Variants in PAH observed in about 807,000 individuals in gnomAD.
PAH encodes the protein phenylalanine hydroxylase.
A neutral mutation model predicts 62.0 loss-of-function variants in PAH; 64 were observed. The observed-to-expected ratio is 1.03, with a 90% CI of 0.84 to 1.27. PAH has a LOEUF of 1.27. Ranked by LOEUF, PAH falls within the 50% of genes most tolerant of loss-of-function variation. PAH has a pLI of 0.00. For missense variants in PAH, 579 were observed against 542.8 expected (o/e 1.07, Z -0.66); for synonymous variants, 195 against 196.2 (o/e 0.99, Z 0.05).
intron 1 of PAH, among the ~76,000 whole-genome samples, chr12:102,924,083 G>A (rs1878623524): frequency 6.6e-6 from 1 of 152,192 alleles, no homozygotes; most frequent in South Asian, 2.1e-4. Flanking sequence ...TTGGTATAAG[G>A]TAAAGAGGAG....
chr12:102,920,976 T>G (rs1188696035), upstream of PAH, among the ~76,000 whole-genome samples: 3 of 152,232 alleles, frequency 2.0e-5, no homozygotes, highest in African/African-American at 7.2e-5. Flanking sequence ...AACAATACTG[T>G]GATAAATTTC....
chr12:102,928,568 G>A (rs1352894921), intron 1 of PAH, among the ~76,000 whole-genome samples: 2 of 152,150 alleles, frequency 1.3e-5, no homozygotes, highest in Non-Finnish European at 2.9e-5. Flanking sequence ...GACCCTTGCA[G>A]GGACTTGGTA....
chr12:102,941,599 G>A (rs751305346), intron 1 of PAH, among the ~76,000 whole-genome samples: 122 of 152,122 alleles, frequency 8.0e-4, no homozygotes, highest in Non-Finnish European at 1.4e-3. Context: ...AATTCAACCA[G>A]AAGGCTTAAC....
intron 5 of PAH, among the ~76,000 whole-genome samples, chr12:102,861,488 C>A (rs2136657068): frequency 6.6e-6 from 1 of 152,254 alleles, no homozygotes; most frequent in South Asian, 2.1e-4. Flanking sequence ...TGGGTATATA[C>A]CCAAAGGATT....
chr12:102,874,165 A>G (rs1876470788), intron 4 of PAH, among the ~76,000 whole-genome samples: 1 of 152,240 alleles, frequency 6.6e-6, no homozygotes, highest in African/African-American at 2.4e-5. Context: ...TAGACCTTAG[A>G]TGAATAGAGG....
chr12:102,933,203 C>T (rs1021213618), intron 1 of PAH, among the ~76,000 whole-genome samples: 3 of 152,122 alleles, frequency 2.0e-5, no homozygotes, highest in Non-Finnish European at 4.4e-5. Flanking sequence ...TTTTTAGCCT[C>T]CATAAATAAG....
chr12:102,951,788 C>G (rs895701943), upstream of PAH, among the ~76,000 whole-genome samples: 1 of 151,158 alleles, frequency 6.6e-6, no homozygotes, highest in Non-Finnish European at 1.5e-5. Flanking sequence ...AATTGTCCCC[C>G]CTTCCCCCTC....
intron 3 of PAH, among the ~76,000 whole-genome samples, chr12:102,891,326 C>T (rs1223817122): frequency 6.6e-6 from 1 of 152,104 alleles, no homozygotes; most frequent in Admixed American, 6.5e-5. Context: ...CACCCTTGCG[C>T]ATGACCCCCC....
At chr12:102,908,798 C>A (rs1355467038) in intron 2 of PAH, among the ~76,000 whole-genome samples, 1 of 151,504 alleles carries the variant, frequency 6.6e-6, no homozygotes, top group Non-Finnish European at 1.5e-5. Flanking sequence ...GTTCTAGGAT[C>A]CCATTCAAAA....
At chr12:102,859,374 T>C (rs1354901256) in intron 5 of PAH, among the ~76,000 whole-genome samples, 2 of 152,246 alleles carry the variant, frequency 1.3e-5, no homozygotes, top group Admixed American at 6.5e-5. Flanking sequence ...GATGGATTCA[T>C]AGCCGAATTC....
upstream of PAH, among the ~76,000 whole-genome samples, chr12:102,954,610 G>T (rs1298957216): frequency 6.6e-6 from 1 of 152,168 alleles, no homozygotes; most frequent in African/African-American, 2.4e-5. Flanking sequence ...AGTCAAATCA[G>T]CCTGCTTTAT....
intron 5 of PAH, among the ~76,000 whole-genome samples, chr12:102,861,714 A>G (rs1314871734): frequency 2.0e-5 from 3 of 152,184 alleles, no homozygotes; most frequent in Non-Finnish European, 4.4e-5. Flanking sequence ...CATCATTCTC[A>G]GCAAACTATC....
exon 1 of PAH, chr12:102,958,235 G>A (rs1879988403): frequency 2.1e-6 from 3 of 1,460,292 alleles, no homozygotes; most frequent in East Asian, 3.0e-5. Flanking sequence ...CTCCTTGGCC[G>A]CCGCTGCGCA....
At chr12:102,875,376 G>C (rs528809785) in intron 4 of PAH, among the ~76,000 whole-genome samples, 1 of 152,218 alleles carries the variant, frequency 6.6e-6, no homozygotes, top group African/African-American at 2.4e-5. Context: ...GGAGTGAAAC[G>C]AATGGGAAGA....
intron 2 of PAH, among the ~76,000 whole-genome samples, chr12:102,896,271 G>A (rs207473319): frequency 6.6e-6 from 1 of 152,220 alleles, no homozygotes; most frequent in South Asian, 2.1e-4. Context: ...AGCATGCCTG[G>A]CCTGTTGAAG....
intron 1 of PAH, among the ~76,000 whole-genome samples, chr12:102,933,137 T>TCA (rs905290330): frequency 3.2e-4 from 49 of 152,288 alleles, no homozygotes; most frequent in African/African-American, 1.1e-3. Flanking sequence ...ACTATCCTTC[T>TCA]CAGCCTCTGG....
At chr12:102,843,893 A>G in intron 10 of PAH, 114 bp from the exon 11 acceptor site, 2 of 1,176,598 alleles carry the variant, frequency 1.7e-6, no homozygotes, top group Non-Finnish European at 2.5e-6. Context: ...TTCCTTCTAC[A>G]TCACAGCCCA....
At chr12:102,933,254 T>A (rs779203029) in intron 1 of PAH, among the ~76,000 whole-genome samples, 5 of 152,334 alleles carry the variant, frequency 3.3e-5, no homozygotes, top group Middle Eastern at 3.4e-3. Flanking sequence ...CTGGCTTATT[T>A]CGTTTAACAT....
chr12:102,936,351 T>C (rs552503994), intron 1 of PAH, among the ~76,000 whole-genome samples: 1 of 152,212 alleles, frequency 6.6e-6, no homozygotes, highest in South Asian at 2.1e-4. Context: ...ATAATGTATA[T>C]TCTGCAGCCA....
Sources: allele counts gnomAD v4.1 joint callset (sites outside exome capture counted in the v4.1 genomes callset), GRCh38; gene constraint gnomAD v4.1.1; transcripts MANE v1.5; gene names NCBI Gene and HGNC (gene_info 2026-07-23, HGNC 2026-07-21).